The following WNT4 variants were observed in gnomAD, a reference collection of about 807,000 sequenced individuals.
WNT4 encodes Wnt family member 4.
Under a neutral mutation model 34.5 loss-of-function variants are expected in WNT4, and 16 were observed. The ratio of observed to expected loss-of-function variants is 0.46; its 90% CI spans 0.31 to 0.70. WNT4 has a LOEUF of 0.70. Among genes scored for constraint, WNT4 ranks in the 30% least tolerant of loss-of-function variants. The probability of loss-of-function intolerance (pLI) is 0.04; values close to 1 mark genes in which losing one functional copy is unlikely to be tolerated. For synonymous variants in WNT4, 200 were observed against 211.9 expected (o/e 0.94, Z 0.49); for missense variants, 379 against 495.9 (o/e 0.76, Z 2.24).
chr1:22,130,660 C>T (rs1272940291), intron 1 of WNT4, among the ~76,000 whole-genome samples: 1 of 152,212 alleles, frequency 6.6e-6, no homozygotes, highest in African/African-American at 2.4e-5. Context: ...CTTTGGGCCT[C>T]AGTTTCCTCA....
At chr1:22,130,369 G>T (rs1226346521) in intron 1 of WNT4, among the ~76,000 whole-genome samples, 8 of 152,260 alleles carry the variant, frequency 5.3e-5, no homozygotes, top group South Asian at 2.1e-4. Flanking sequence ...ATGGAGACCA[G>T]TGTCATTGCT....
Position 22,140,251 on chromosome 1 carries a change from C to T in WNT4, c.77+2595G>A, listed in dbSNP as rs989014222. 4.9e-5 allele frequency: 48 copies of T among 985,364 alleles called. No homozygotes were observed. Among genetic ancestry groups the T allele is most frequent in the East Asian group, 1.1e-4 (1 of 8,822 alleles). 61.0% of individuals were successfully genotyped at this position (985,364 alleles called of 1,614,324 possible). A position where few individuals can be genotyped will look rare whatever the true frequency, so the allele number is the denominator to read the frequency against. On this transcript the variant is annotated intron_variant, in intron 1 of 4. Coordinates refer to ENST00000290167, the MANE Select transcript of WNT4 (RefSeq NM_030761.5). This position sits in a 1 kb window ranked among gnomAD's most constrained non-coding sequence, Gnocchi z 5.9. ...ATGCCTGCATGGACACCTGCCTCCC[C>T]GAAGCTTTTCCTTCTAGAGGCAGCT...
chr1:22,121,678 G>C, intron 2 of WNT4, 102 bp from the exon 3 acceptor site: 2 of 1,534,834 alleles, frequency 1.3e-6, no homozygotes, highest in Non-Finnish European at 1.8e-6. Context: ...CTTGCTGGAG[G>C]CCAGGAGGGA....
At position 22,142,181 on chromosome 1, in the gene WNT4, A is replaced by G. The variant is rs145567249; in HGVS notation, c.77+665T>C. 2.1e-3 allele frequency among the ~76,000 whole-genome samples: 325 copies of G among 152,248 alleles called. 1 individual carries two copies. Among genetic ancestry groups the G allele is most frequent in the African/African-American group, 7.5e-3 (312 of 41,562 alleles). Reference sequence around the variant, plus strand: ...GTTACCACCCCTTCCTCCTTAGGCTAGACACGGGGAGCTGGGGGGCCGTTG... The same window carrying G: ...GTTACCACCCCTTCCTCCTTAGGCTGGACACGGGGAGCTGGGGGGCCGTTG... On this transcript the variant is annotated intron_variant, in intron 1 of 4. Coordinates refer to ENST00000290167, the MANE Select transcript of WNT4 (RefSeq NM_030761.5). The surrounding 1 kb of genome is among the most constrained non-coding windows in gnomAD (Gnocchi z 6.0).
At chr1:22,126,783 C>T (rs999680231) in intron 2 of WNT4, among the ~76,000 whole-genome samples, 3 of 152,232 alleles carry the variant, frequency 2.0e-5, no homozygotes, top group East Asian at 1.9e-4. Flanking sequence ...CGTGTCTACA[C>T]GAAGTGCTTC....
intron 2 of WNT4, among the ~76,000 whole-genome samples, chr1:22,125,704 C>T (rs1645935144): frequency 6.6e-6 from 1 of 152,086 alleles, no homozygotes; most frequent in Non-Finnish European, 1.5e-5. Flanking sequence ...GGTCGCAGAA[C>T]GAGACACGGT....
rs912986957 is a variant in WNT4, at chr1:22,118,638, C to T, written c.*1412G>A. 4 of 152,438 alleles carry T rather than the reference C, an allele frequency of 2.6e-5. No individual in the cohort carries two copies. Among genetic ancestry groups the T allele is most frequent in the Non-Finnish European group, 5.9e-5 (4 of 68,200 alleles). The allele number at this position is 152,438 out of a possible 1,614,324, so 9.4% of individuals were successfully genotyped here. A position where few individuals can be genotyped will look rare whatever the true frequency, so the allele number is the denominator to read the frequency against. On this transcript the variant is annotated 3_prime_UTR_variant, in exon 5 of 5. Transcript: ENST00000290167. Reference sequence around the variant, plus strand: ...CAGCCTTCCAGCTGTTCACATCTTTCCTCAGAGCCTGTTCTGCCCTTAGGA... The same window carrying T: ...CAGCCTTCCAGCTGTTCACATCTTTTCTCAGAGCCTGTTCTGCCCTTAGGA...
At chr1:22,131,369 T>G (rs1645982430) in intron 1 of WNT4, among the ~76,000 whole-genome samples, 1 of 152,194 alleles carries the variant, frequency 6.6e-6, no homozygotes, top group South Asian at 2.1e-4. Context: ...TGGGCCCCAG[T>G]CCCAGTGGGG....
rs114865102 is a variant in WNT4 at position 22,137,792 on chromosome 1, C to T, written c.77+5054G>A. On this transcript the variant is annotated intron_variant, in intron 1 of 4. Coordinates refer to ENST00000290167, the MANE Select transcript of WNT4 (RefSeq NM_030761.5). This position sits in a 1 kb window ranked among gnomAD's most constrained non-coding sequence, Gnocchi z 5.3. ...GCCTGGCTCTCAGGGTCTGTTCCGG[C>T]CCAGCAGTGAGGGGCAGAGCAGCAG... 8.7e-3 allele frequency among the ~76,000 whole-genome samples: 1,324 copies of T among 152,276 alleles called. 24 individuals are homozygous for T. The highest frequency in any genetic ancestry group is 0.029 in the African/African-American group (1,186 of 41,532).
rs774167732 is a variant in WNT4, at chr1:22,120,074, G to A, written c.1032C>T (p.Leu344=). ...GTCATCGGCACGTGTGCAACTCCAC[G>A]AGCCGCTGGCACTGCCGGCACTTGA... is the stretch of plus-strand genomic sequence containing the variant. ...CFVKCRQCQR[L]VELHTCR Residue 344 remains leucine (L), a synonymous_variant, in exon 5 of 5, where the codon CTC becomes CTT. Coordinates refer to ENST00000290167, the MANE Select transcript of WNT4 (RefSeq NM_030761.5). 7.4e-6 allele frequency: 12 copies of A among 1,610,990 alleles called. No homozygotes were observed. The Admixed American group carries it at 1.2e-4, about 16-fold the overall frequency.
At chr1:22,121,788 T>C (rs897978360) in intron 2 of WNT4, among the ~76,000 whole-genome samples, 1 of 152,226 alleles carries the variant, frequency 6.6e-6, no homozygotes, top group African/African-American at 2.4e-5. Flanking sequence ...GCTTAGGGCT[T>C]TTCAAACGTG....
At chr1:22,127,212 C>A in intron 2 of WNT4, 1 of 461,274 alleles carries the variant, frequency 2.2e-6, no homozygotes, top group Non-Finnish European at 4.5e-6. Flanking sequence ...GGACGTTCGA[C>A]TCCACCAGTC....
At position 22,118,090 on chromosome 1, in the gene WNT4, C is replaced by T. The variant is rs1440061756; in HGVS notation, c.*1960G>A. ...CACCTCACTTGGTTTTGGCTTCCTC[C>T]TTGTATGGACATTGAGCAGAGATCT... is the stretch of plus-strand genomic sequence containing the variant. On this transcript the variant is annotated 3_prime_UTR_variant, in exon 5 of 5. Transcript: ENST00000290167. 2.0e-5 allele frequency: 3 copies of T among 152,246 alleles called. No homozygotes were observed. Among genetic ancestry groups the T allele is most frequent in the Admixed American group, 2.0e-4 (3 of 15,282 alleles). The allele number at this position is 152,246 out of a possible 1,614,324, so 9.4% of individuals were successfully genotyped here. A position where few individuals can be genotyped will look rare whatever the true frequency, so the allele number is the denominator to read the frequency against.
intron 1 of WNT4, among the ~76,000 whole-genome samples, chr1:22,133,341 G>A (rs1022688792): frequency 6.6e-6 from 1 of 152,144 alleles, no homozygotes; most frequent in Non-Finnish European, 1.5e-5. Context: ...GGGGGCTGCT[G>A]TGGTCTTTTG....
At chr1:22,127,194 AG>A (rs1265770492) in intron 2 of WNT4, 3 of 440,358 alleles carry the variant, frequency 6.8e-6, no homozygotes, top group Non-Finnish European at 1.4e-5. Context: ...CCCTCTCCAA[AG>A]GGGATTGGAC....
rs1041146509 is a variant in WNT4 at position 22,129,904 on chromosome 1, C to T, written c.78-53G>A. On this transcript the variant is annotated intron_variant, in intron 1 of 4. Transcript: ENST00000290167. ...AGCCCACCTCCTCATCTTTCCTGGC[C>T]CCGGACCAGGCCTGAGCTCCAGCCC... The T allele has an allele frequency of 3.0e-5, 48 of 1,600,126 alleles. No homozygotes were observed. The East Asian group carries it at 1.1e-3, about 36-fold the overall frequency.
Position 22,120,085 on chromosome 1 carries a change from A to G in WNT4, c.1021T>C (p.Cys341Arg), listed in dbSNP as rs1645881971. The change falls in exon 5 of 5, where the codon TGC (cysteine) becomes CGC (arginine). Residue 341 changes from cysteine (C) to arginine (R), a missense_variant. Coordinates refer to ENST00000290167, the MANE Select transcript of WNT4 (RefSeq NM_030761.5). ...GTGTGCAACTCCACGAGCCGCTGGC[A>G]CTGCCGGCACTTGACGAAGCAGCAC... ...HWCCFVKCRQ[C>R]QRLVELHTCR The G allele has an allele frequency of 6.2e-7, 1 of 1,611,982 alleles. No individual in the cohort carries two copies. Among genetic ancestry groups the G allele is most frequent in the African/African-American group, 1.3e-5 (1 of 74,942 alleles).
In WNT4 at chr1:22,118,711, C is replaced by T. The variant is rs182098512; in HGVS notation, c.*1339G>A. 7 of 152,942 alleles carry T rather than the reference C, an allele frequency of 4.6e-5. No individual in the cohort carries two copies. In the East Asian group the frequency reaches 1.3e-3, roughly 29 times the overall value. 9.5% of individuals were successfully genotyped at this position (152,942 alleles called of 1,614,324 possible). A position where few individuals can be genotyped will look rare whatever the true frequency, so the allele number is the denominator to read the frequency against. ...CTGTGGTCTCTGGCTCCTGCTGCTTCCCTGCCCCTTTTCGTCCAGCCAGAA... is the reference window on the plus strand; with the variant it reads ...CTGTGGTCTCTGGCTCCTGCTGCTTTCCTGCCCCTTTTCGTCCAGCCAGAA... On this transcript the variant is annotated 3_prime_UTR_variant, in exon 5 of 5. Transcript: ENST00000290167.
chr1:22,140,268 G>A lies in WNT4; in HGVS notation c.77+2578C>T. 1.0e-6 allele frequency: 1 copy of A among 985,476 alleles called. No homozygotes were observed. Among genetic ancestry groups the A allele is most frequent in the Non-Finnish European group, 1.2e-6 (1 of 829,940 alleles). 61.0% of individuals were successfully genotyped at this position (985,476 alleles called of 1,614,324 possible). ...TGCCTCCCCGAAGCTTTTCCTTCTA[G>A]AGGCAGCTTTTCAGTCGGACACCTC... On this transcript the variant is annotated intron_variant, in intron 1 of 4. Transcript: ENST00000290167. This position sits in a 1 kb window ranked among gnomAD's most constrained non-coding sequence, Gnocchi z 5.9.
Sources: allele counts gnomAD v4.1 joint callset (sites outside exome capture counted in the v4.1 genomes callset), GRCh38; gene constraint gnomAD v4.1.1; non-coding constraint Gnocchi (gnomAD v3.1); transcripts MANE v1.5; gene names NCBI Gene and HGNC (gene_info 2026-07-23, HGNC 2026-07-21).